Variants in PRELID2 observed in about 807,000 individuals in gnomAD.
PRELID2 encodes the protein PRELI domain containing 2.
In PRELID2, 25 loss-of-function variants were observed where a neutral mutation model predicts 28.4. The ratio of observed to expected loss-of-function variants is 0.88; its 90% CI spans 0.64 to 1.23. The LOEUF (loss-of-function observed/expected upper bound fraction) is 1.23. Among genes scored for constraint, PRELID2 ranks in the 50% most tolerant of loss-of-function variants. The pLI, the probability that PRELID2 is intolerant of heterozygous loss-of-function variation, is 0.00. For missense variants in PRELID2, 201 were observed against 214.4 expected, an observed-to-expected ratio of 0.94 and a Z score of 0.39; for synonymous variants, 76 against 71.6, an observed-to-expected ratio of 1.06 and a Z score of -0.31.
the PRELID2 span, among the ~76,000 whole-genome samples, chr5:145,329,882 C>A: frequency 6.6e-6 from 1 of 152,136 alleles, no homozygotes; most frequent in African/African-American, 2.4e-5. Flanking sequence ...ATGCTTCCAG[C>A]TTTTGCTCAT....
intron 5 of PRELID2, among the ~76,000 whole-genome samples, chr5:145,781,727 A>G (rs1751635050): frequency 6.8e-6 from 1 of 146,432 alleles, no homozygotes; most frequent in Non-Finnish European, 1.5e-5. Context: ...CACTATATAT[A>G]TATACTATAT....
chr5:145,352,753 C>G, the PRELID2 span, among the ~76,000 whole-genome samples: 2 of 152,140 alleles, frequency 1.3e-5, no homozygotes, highest in Non-Finnish European at 2.9e-5. Context: ...GAATGCTTTG[C>G]TGCTTGGAAA....
intron 1 of PRELID2, among the ~76,000 whole-genome samples, chr5:145,574,339 G>C (rs35784567): frequency 0.21 from 32,193 of 152,174 alleles, 6,317 homozygotes; most frequent in African/African-American, 0.51. Flanking sequence ...AGATCCATGT[G>C]AGACTTCTGA....
chr5:145,260,063 C>T, the PRELID2 span, among the ~76,000 whole-genome samples: 1 of 152,112 alleles, frequency 6.6e-6, no homozygotes, highest in East Asian at 1.9e-4. Flanking sequence ...AACACCTCCC[C>T]TCGCACTCTC....
At chr5:145,330,507 C>A in the PRELID2 span, among the ~76,000 whole-genome samples, 1 of 151,840 alleles carries the variant, frequency 6.6e-6, no homozygotes, top group South Asian at 2.1e-4. Flanking sequence ...CTTGGGAGAG[C>A]GTATGTGTCC....
the PRELID2 span, among the ~76,000 whole-genome samples, chr5:145,411,310 G>C: frequency 6.6e-6 from 1 of 152,090 alleles, no homozygotes; most frequent in Non-Finnish European, 1.5e-5. Context: ...TCACTATCAT[G>C]AGAACAGCAC....
intron 1 of PRELID2, among the ~76,000 whole-genome samples, chr5:145,669,259 T>G (rs1019772553): frequency 6.6e-6 from 1 of 152,164 alleles, no homozygotes; most frequent in African/African-American, 2.4e-5. Context: ...TGTTTTCCTC[T>G]GGTTGTTGGC....
chr5:145,551,262 G>T (rs572756291), intron 1 of PRELID2, among the ~76,000 whole-genome samples: 1 of 151,994 alleles, frequency 6.6e-6, no homozygotes, highest in Non-Finnish European at 1.5e-5. Flanking sequence ...TTAGCTGGGT[G>T]TGGTGGCGCG....
intron 1 of PRELID2, among the ~76,000 whole-genome samples, chr5:145,564,651 C>G (rs920578214): frequency 1.3e-5 from 2 of 152,176 alleles, no homozygotes; most frequent in Non-Finnish European, 2.9e-5. Context: ...TTTTCTTCCT[C>G]TCTCCTGGAC....
At chr5:145,611,415 T>A (rs981900302) in intron 1 of PRELID2, among the ~76,000 whole-genome samples, 5 of 152,152 alleles carry the variant, frequency 3.3e-5, no homozygotes. Flanking sequence ...CCAACTGCCT[T>A]GGCCTCCCAA....
chr5:145,486,974 A>G (rs1038321815), intron 1 of PRELID2, among the ~76,000 whole-genome samples: 3 of 148,634 alleles, frequency 2.0e-5, no homozygotes, highest in Non-Finnish European at 4.5e-5. Flanking sequence ...CATCATTCTC[A>G]GTAAACTATC....
chr5:145,234,110 AC>A, the PRELID2 span, among the ~76,000 whole-genome samples: 1 of 152,202 alleles, frequency 6.6e-6, no homozygotes, highest in Non-Finnish European at 1.5e-5. Context: ...AATATAAGTT[AC>A]CAATAATTTT....
At chr5:145,624,003 T>G (rs1241537969) in intron 1 of PRELID2, among the ~76,000 whole-genome samples, 1 of 152,194 alleles carries the variant, frequency 6.6e-6, no homozygotes, top group Non-Finnish European at 1.5e-5. Context: ...GGGATTCTCA[T>G]GCCTCCACCC....
chr5:145,250,357 G>C, the PRELID2 span, among the ~76,000 whole-genome samples: 2 of 152,114 alleles, frequency 1.3e-5, no homozygotes, highest in Non-Finnish European at 2.9e-5. Context: ...AGCTTATTCT[G>C]TGCCAATGGT....
the PRELID2 span, among the ~76,000 whole-genome samples, chr5:145,354,201 G>A: frequency 6.6e-6 from 1 of 151,300 alleles, no homozygotes; most frequent in Non-Finnish European, 1.5e-5. Context: ...ATTATTCGAC[G>A]ACTTTCCTTG....
the PRELID2 span, chr5:145,229,563 A>G: frequency 6.8e-7 from 1 of 1,476,906 alleles, no homozygotes; most frequent in Non-Finnish European, 9.3e-7. Context: ...ACCTCCTTGG[A>G]GCTCTTCATG....
intron 1 of PRELID2, among the ~76,000 whole-genome samples, chr5:145,638,904 C>A (rs1057151371): frequency 6.6e-6 from 1 of 152,190 alleles, no homozygotes; most frequent in Admixed American, 6.5e-5. Context: ...CTTGCTACTT[C>A]TTGGTATAGG....
At chr5:145,649,534 T>C (rs2149669661) in intron 1 of PRELID2, among the ~76,000 whole-genome samples, 1 of 152,270 alleles carries the variant, frequency 6.6e-6, no homozygotes, top group South Asian at 2.1e-4. Flanking sequence ...TATGATGAGG[T>C]TATCAGGACA....
At chr5:145,815,330 A>T (rs1020470860) in intron 4 of PRELID2, among the ~76,000 whole-genome samples, 2 of 152,220 alleles carry the variant, frequency 1.3e-5, no homozygotes, top group African/African-American at 4.8e-5. Flanking sequence ...TATTCTTGTT[A>T]TAGCAGGCAA....
Sources: gnomAD v4.1 joint callset for allele counts (sites outside exome capture counted in the v4.1 genomes callset) on GRCh38, gnomAD v4.1.1 for gene constraint, MANE v1.5 for transcripts, NCBI Gene and HGNC (gene_info 2026-07-23, HGNC 2026-07-21) for gene names.